STK32B: variants seen among roughly 807,000 people sequenced by gnomAD.
The protein encoded by STK32B is serine/threonine kinase 32B, also known as serine/threonine-protein kinase 32B.
STK32B carries 43 observed loss-of-function variants against 52.6 expected under a neutral mutation model. The observed-to-expected ratio is 0.82, with a 90% CI of 0.64 to 1.05. The LOEUF (loss-of-function observed/expected upper bound fraction) is 1.05, where lower values mean the gene tolerates loss of function less well. STK32B is among the 50% of genes least tolerant of loss of function. The pLI is 0.00. For missense variants in STK32B, 621 were observed against 534.6 expected (o/e 1.16, Z -1.59); for synonymous variants, 238 against 204.3 (o/e 1.17, Z -1.41).
intron 8 of STK32B, among the ~76,000 whole-genome samples, chr4:5,457,933 A>AGGGAG (rs1716702429): frequency 3.5e-5 from 5 of 143,800 alleles, no homozygotes; most frequent in African/African-American, 1.0e-4. Context: ...GGAAGGAGGG[A>AGGGAG]GGGAGGGAAG....
chr4:5,077,491 T>C (rs1712152865), intron 1 of STK32B, among the ~76,000 whole-genome samples: 1 of 152,066 alleles, frequency 6.6e-6, no homozygotes, highest in Non-Finnish European at 1.5e-5. Flanking sequence ...CCAGGCAGCT[T>C]CTCTGCAGCA....
At position 5,432,931 on chromosome 4, in the gene STK32B, A is replaced by T. The variant is rs181129237; in HGVS notation, c.563-13742A>T. 2.6e-4 allele frequency among the ~76,000 whole-genome samples: 39 copies of T among 152,326 alleles called. No homozygotes were observed. In the East Asian group the frequency reaches 7.3e-3, roughly 29 times the overall value. ...CTTACAGATGAGTAAACTGAGGTACATATAAGAGGTTAAGCAGCTTCCCCA... is the reference window on the plus strand; with the variant it reads ...CTTACAGATGAGTAAACTGAGGTACTTATAAGAGGTTAAGCAGCTTCCCCA... On this transcript the variant is annotated intron_variant, in intron 6 of 11. Coordinates refer to ENST00000282908, the MANE Select transcript of STK32B (RefSeq NM_018401.3).
intron 3 of STK32B, among the ~76,000 whole-genome samples, chr4:5,194,167 T>A (rs1384718787): frequency 1.3e-5 from 2 of 152,198 alleles, no homozygotes; most frequent in Non-Finnish European, 2.9e-5. Context: ...TACTTCTTTA[T>A]AGAAATTTTT....
intron 3 of STK32B, among the ~76,000 whole-genome samples, chr4:5,268,990 T>G (rs568615301): frequency 6.6e-6 from 1 of 152,178 alleles, no homozygotes; most frequent in South Asian, 2.1e-4. Context: ...GAGGGAGTTT[T>G]CAGGTTGTGA....
chr4:5,022,686 G>C, the STK32B span, among the ~76,000 whole-genome samples: 2 of 152,246 alleles, frequency 1.3e-5, no homozygotes, highest in African/African-American at 4.8e-5. Flanking sequence ...CAGAGTTAAC[G>C]AGCAGGTGAA....
At chr4:5,262,023 G>A (rs1054939045) in intron 3 of STK32B, among the ~76,000 whole-genome samples, 5 of 152,246 alleles carry the variant, frequency 3.3e-5, no homozygotes, top group East Asian at 1.9e-4. Context: ...GGCATAACTC[G>A]CTCCATTTCA....
In STK32B at chr4:5,207,714, T is replaced by C. The variant is rs546791093; in HGVS notation, c.260+39264T>C. Among the ~76,000 whole-genome samples the C allele has an allele frequency of 2.2e-3, 328 of 151,696 alleles. 2 individuals carry two copies. The highest frequency in any genetic ancestry group is 3.9e-3 in the Non-Finnish European group (263 of 67,922). ...TTTCTTAATGCTCCAGCATTTTTTTTCTTAAGAAAGTGTCTGAGACTGCAG... is the reference window on the plus strand; with the variant it reads ...TTTCTTAATGCTCCAGCATTTTTTTCCTTAAGAAAGTGTCTGAGACTGCAG... On this transcript the variant is annotated intron_variant, in intron 3 of 11. Transcript: ENST00000282908.
At chr4:5,218,560 G>T (rs929924255) in intron 3 of STK32B, among the ~76,000 whole-genome samples, 1 of 152,152 alleles carries the variant, frequency 6.6e-6, no homozygotes, top group Non-Finnish European at 1.5e-5. Flanking sequence ...GGACCCTACC[G>T]TCAAACTGCG....
At chr4:5,462,196 C>T (rs545361394) in intron 9 of STK32B, among the ~76,000 whole-genome samples, 18 of 151,248 alleles carry the variant, frequency 1.2e-4, no homozygotes, top group South Asian at 2.1e-4. Flanking sequence ...TGTGCATGCC[C>T]GTGGTGTGTG....
chr4:5,228,796 G>C (rs1724045844), intron 3 of STK32B, among the ~76,000 whole-genome samples: 1 of 152,226 alleles, frequency 6.6e-6, no homozygotes, highest in South Asian at 2.1e-4. Context: ...GGCAAACCCT[G>C]TCTCTACTAA....
intron 3 of STK32B, among the ~76,000 whole-genome samples, chr4:5,218,617 T>G (rs1251136930): frequency 6.6e-6 from 1 of 152,182 alleles, no homozygotes; most frequent in East Asian, 1.9e-4. Flanking sequence ...CTCATTCAAG[T>G]GCTAATTCCT....
rs374816042 is a variant in STK32B, at chr4:5,277,212, CAG to C, written c.261-54003_261-54002del. ...AGACAGTGCTGTGGACAGAATGGTG[CAG>C]AGAGTCATGCACTTTCTAGCATTGG... On this transcript the variant is annotated intron_variant, in intron 3 of 11. Coordinates refer to ENST00000282908, the MANE Select transcript of STK32B (RefSeq NM_018401.3). Among the ~76,000 whole-genome samples the C allele has an allele frequency of 2.6e-3, 401 of 152,328 alleles. 1 individual carries two copies. Among genetic ancestry groups the C allele is most frequent in the African/African-American group, 8.4e-3 (351 of 41,564 alleles).
In STK32B at chr4:5,469,742, T is replaced by C. The variant is rs1717710319; in HGVS notation, c.1106+1672T>C. 6.6e-6 allele frequency among the ~76,000 whole-genome samples: 1 copy of C among 151,990 alleles called. No individual in the cohort carries two copies. The highest frequency in any genetic ancestry group is 2.1e-4 in the South Asian group (1 of 4,802). ...CCTGCTAGAGGACCACATGTTGGGG[T>C]CTCCCAGCTCTGGCCAACAACACAG... On this transcript the variant is annotated intron_variant, in intron 11 of 11. Transcript: ENST00000282908. The surrounding 1 kb of genome is among the most constrained non-coding windows in gnomAD (Gnocchi z 4.7).
At chr4:5,424,727 A>G (rs893463328) in intron 6 of STK32B, among the ~76,000 whole-genome samples, 11 of 152,244 alleles carry the variant, frequency 7.2e-5, no homozygotes, top group African/African-American at 2.4e-4. Flanking sequence ...GACACAGGAC[A>G]AGAACTTGGG....
chr4:5,394,461 A>T lies in STK32B; in HGVS notation c.435-3746A>T, dbSNP rs185034217. ...AACTGGCTAAACTAAAGGCTCTGCT[A>T]AGATGCTTTACCCATAAAATGCTAT... On this transcript the variant is annotated intron_variant, in intron 4 of 11. Transcript: ENST00000282908. This position sits in a 1 kb window ranked among gnomAD's most constrained non-coding sequence, Gnocchi z 4.2. Among the ~76,000 whole-genome samples, 390 of 152,342 alleles carry T rather than the reference A, an allele frequency of 2.6e-3. 4 individuals are homozygous for T. Among genetic ancestry groups the T allele is most frequent in the Non-Finnish European group, 7.8e-4 (53 of 68,034 alleles).
Position 5,499,111 on chromosome 4 carries a change from C to G in STK32B, c.*28C>G. On this transcript the variant is annotated 3_prime_UTR_variant, in exon 12 of 12. Transcript: ENST00000282908. ...CCACACTTGTTGCTGCTCAACAGGA[C>G]TGCACTCGTCTCTGCCCTGCCCACC... 1.9e-6 allele frequency: 3 copies of G among 1,588,006 alleles called. No individual in the cohort carries two copies. The highest frequency in any genetic ancestry group is 2.6e-6 in the Non-Finnish European group (3 of 1,164,430).
chr4:5,112,729 G>C (rs1052701253), intron 1 of STK32B, among the ~76,000 whole-genome samples: 1 of 152,156 alleles, frequency 6.6e-6, no homozygotes, highest in African/African-American at 2.4e-5. Context: ...GTACAAGAAA[G>C]CTTCTCTGTG....
rs1299731193 is a variant in STK32B, at chr4:5,199,947, G to T, written c.260+31497G>T. Among the ~76,000 whole-genome samples, 3 of 152,158 alleles carry T rather than the reference G, an allele frequency of 2.0e-5. No homozygotes were observed. The East Asian group carries it at 5.8e-4, about 29-fold the overall frequency. ...ATAATGAATATGTTTGTGTCTGGCT[G>T]TGTCAGTCTTCTTCCCTCTGGTTGA... On this transcript the variant is annotated intron_variant, in intron 3 of 11. Transcript: ENST00000282908.
At chr4:5,158,972 G>A (rs1031430320) in intron 2 of STK32B, among the ~76,000 whole-genome samples, 2 of 152,158 alleles carry the variant, frequency 1.3e-5, no homozygotes, top group Non-Finnish European at 2.9e-5. Context: ...CTTTAAACAT[G>A]TCATTCAAGC....
Sources: allele counts gnomAD v4.1 joint callset (sites outside exome capture counted in the v4.1 genomes callset), GRCh38; gene constraint gnomAD v4.1.1; non-coding constraint Gnocchi (gnomAD v3.1); transcripts MANE v1.5; gene names NCBI Gene and HGNC (gene_info 2026-07-23, HGNC 2026-07-21).